HACD2: variants seen among roughly 807,000 people sequenced by gnomAD.
The protein encoded by HACD2 is 3-hydroxyacyl-CoA dehydratase 2, also known as very-long-chain (3R)-3-hydroxyacyl-CoA dehydratase 2.
A neutral mutation model predicts 31.0 loss-of-function variants in HACD2; 15 were observed. That is an observed-to-expected ratio of 0.48 (90% CI 0.32 to 0.75). The LOEUF (loss-of-function observed/expected upper bound fraction) is 0.75, where lower values mean the gene tolerates loss of function less well. Among genes scored for constraint, HACD2 ranks in the 30% least tolerant of loss-of-function variants. The pLI, the probability that HACD2 is intolerant of heterozygous loss-of-function variation, is 0.03. For synonymous variants in HACD2, 115 were observed against 122.2 expected, an observed-to-expected ratio of 0.94 and a Z score of 0.39; for missense variants, 283 against 313.0, an observed-to-expected ratio of 0.90 and a Z score of 0.72.
rs528524924 is a variant in HACD2, at chr3:123,568,997, A to G, written c.274-1217T>C. ...TGCATTAGTTATGAGAGATCTACAG[A>G]GTCAGACTTGACAAGACTTAGCTTA... On this transcript the variant is annotated intron_variant, in intron 2 of 6. Transcript: ENST00000383657. Among the ~76,000 whole-genome samples the G allele has an allele frequency of 9.8e-5, 15 of 152,322 alleles. No homozygotes were observed. The East Asian group carries it at 2.7e-3, about 27-fold the overall frequency.
At chr3:123,549,927 T>C (rs773123770) in intron 3 of HACD2, among the ~76,000 whole-genome samples, 4 of 152,160 alleles carry the variant, frequency 2.6e-5, no homozygotes, top group East Asian at 1.9e-4. Context: ...GAGTTGTCAT[T>C]TGGGAATCCA....
In HACD2 at chr3:123,492,305, T is replaced by C. The variant is rs918992576; in HGVS notation, c.*2583A>G. On this transcript the variant is annotated 3_prime_UTR_variant, in exon 7 of 7. Transcript: ENST00000383657. Reference sequence around the variant, plus strand: ...TGGGTAGTTGGGAGGATGATGCCTTTGACTATGCCCTGAAATGAAACCTCT... The same window carrying C: ...TGGGTAGTTGGGAGGATGATGCCTTCGACTATGCCCTGAAATGAAACCTCT... 4 of 152,214 alleles carry C rather than the reference T, an allele frequency of 2.6e-5. No individual in the cohort carries two copies. The highest frequency in any genetic ancestry group is 6.5e-5 in the Admixed American group (1 of 15,284). 9.4% of individuals were successfully genotyped at this position (152,214 alleles called of 1,614,324 possible).
chr3:123,533,390 C>G lies in HACD2; in HGVS notation c.293-4916G>C, dbSNP rs1485239304. Among the ~76,000 whole-genome samples, 3 of 152,236 alleles carry G rather than the reference C, an allele frequency of 2.0e-5. No individual in the cohort carries two copies. In the East Asian group the frequency reaches 5.8e-4, roughly 29 times the overall value. ...TCTCGAACTCCTAAGCTCAAGTGATCTGTCCGCCTCAGCATCCCAAAGTGC... is the reference window on the plus strand; with the variant it reads ...TCTCGAACTCCTAAGCTCAAGTGATGTGTCCGCCTCAGCATCCCAAAGTGC... On this transcript the variant is annotated intron_variant, in intron 3 of 6. Transcript: ENST00000383657.
intron 3 of HACD2, among the ~76,000 whole-genome samples, chr3:123,556,842 A>C (rs2056677752): frequency 6.6e-6 from 1 of 152,248 alleles, no homozygotes; most frequent in South Asian, 2.1e-4. Context: ...GAGCATATGA[A>C]AAGATGTGCC....
intron 4 of HACD2, among the ~76,000 whole-genome samples, chr3:123,520,129 T>C (rs963786198): frequency 3.9e-5 from 6 of 152,138 alleles, no homozygotes; most frequent in South Asian, 2.1e-4. Context: ...ATCTAACCAA[T>C]TGCTACCTCT....
chr3:123,569,731 T>C (rs1384342407), intron 2 of HACD2, among the ~76,000 whole-genome samples: 1 of 151,980 alleles, frequency 6.6e-6, no homozygotes, highest in East Asian at 2.0e-4. Context: ...CTCACGCGTA[T>C]AATCCCAGCA....
chr3:123,527,381 G>A (rs1344085948), intron 4 of HACD2, among the ~76,000 whole-genome samples: 2 of 152,156 alleles, frequency 1.3e-5, no homozygotes, highest in African/African-American at 4.8e-5. Flanking sequence ...GTTCTCAGCA[G>A]CATGATGAAA....
intron 1 of HACD2, among the ~76,000 whole-genome samples, 200 bp from the exon 2 acceptor site, chr3:123,582,529 G>C (rs1194027319): frequency 6.6e-6 from 1 of 152,020 alleles, no homozygotes; most frequent in Admixed American, 6.6e-5. Flanking sequence ...TTACCAAGAG[G>C]GCTCAGTGAA....
intron 1 of HACD2, 169 bp downstream of exon 1, chr3:123,584,704 C>G: frequency 2.1e-6 from 1 of 469,916 alleles, no homozygotes; most frequent in Non-Finnish European, 3.6e-6. Context: ...CCACCGGGGC[C>G]GATTCAGCGC....
chr3:123,583,088 T>TG (rs1559940047), intron 1 of HACD2, among the ~76,000 whole-genome samples: 1 of 152,184 alleles, frequency 6.6e-6, no homozygotes, highest in East Asian at 1.9e-4. Flanking sequence ...AACTAGGCAA[T>TG]GGGGTGTGTG....
At chr3:123,545,431 A>G (rs1402827563) in intron 3 of HACD2, among the ~76,000 whole-genome samples, 1 of 151,282 alleles carries the variant, frequency 6.6e-6, no homozygotes, top group Non-Finnish European at 1.5e-5. Context: ...GCAGTGAGCC[A>G]AGATCATGCC....
intron 3 of HACD2, among the ~76,000 whole-genome samples, chr3:123,534,791 C>T (rs1453702589): frequency 6.1e-5 from 1 of 16,456 alleles, no homozygotes; most frequent in Admixed American, 8.5e-4. Context: ...CCTATGTAGA[C>T]GTAGGCTTGT....
At chr3:123,551,917 A>C (rs184640911) in intron 3 of HACD2, among the ~76,000 whole-genome samples, 1 of 152,364 alleles carries the variant, frequency 6.6e-6, no homozygotes, top group Admixed American at 6.5e-5. Flanking sequence ...CAACAGTAAC[A>C]AATACAAGCA....
intron 1 of HACD2, among the ~76,000 whole-genome samples, chr3:123,583,272 T>C (rs2056985260): frequency 6.6e-6 from 1 of 152,200 alleles, no homozygotes; most frequent in East Asian, 1.9e-4. Context: ...CTCCTTACCC[T>C]CCACCCCATT....
At chr3:123,576,950 C>G (rs2056913845) in intron 2 of HACD2, among the ~76,000 whole-genome samples, 1 of 152,154 alleles carries the variant, frequency 6.6e-6, no homozygotes. Flanking sequence ...GAGACAGGAA[C>G]ACACAGATGA....
intron 3 of HACD2, among the ~76,000 whole-genome samples, chr3:123,530,178 G>A (rs1298472856): frequency 1.3e-5 from 2 of 152,064 alleles, no homozygotes; most frequent in Non-Finnish European, 2.9e-5. Flanking sequence ...TATAGAGGAA[G>A]CCTTTGATTT....
chr3:123,533,523 A>C (rs1303714856), intron 3 of HACD2, among the ~76,000 whole-genome samples: 1 of 152,224 alleles, frequency 6.6e-6, no homozygotes, highest in African/African-American at 2.4e-5. Context: ...TTATTTGAAC[A>C]CAATGGCATA....
chr3:123,584,033 G>GA (rs1318222005), intron 1 of HACD2, among the ~76,000 whole-genome samples: 3 of 152,210 alleles, frequency 2.0e-5, no homozygotes, highest in Non-Finnish European at 2.9e-5. Flanking sequence ...CTGATGCTGT[G>GA]ATCCTCCTCA....
intron 3 of HACD2, among the ~76,000 whole-genome samples, chr3:123,547,702 T>A (rs1308009306): frequency 1.3e-5 from 2 of 152,136 alleles, no homozygotes; most frequent in Admixed American, 1.3e-4. Flanking sequence ...TGGTATATGT[T>A]AGACCAAGCA....
Sources: allele counts gnomAD v4.1 joint callset (sites outside exome capture counted in the v4.1 genomes callset), GRCh38; gene constraint gnomAD v4.1.1; transcripts MANE v1.5; gene names NCBI Gene and HGNC (gene_info 2026-07-23, HGNC 2026-07-21).